Variants in TUBG2 observed in about 807,000 individuals in gnomAD.
TUBG2 encodes the protein tubulin gamma-2 chain.
A neutral mutation model predicts 55.1 loss-of-function variants in TUBG2; 39 were observed. The ratio of observed to expected loss-of-function variants is 0.71; its 90% CI spans 0.55 to 0.93. TUBG2 has a LOEUF of 0.93. Among genes scored for constraint, TUBG2 ranks in the 40% least tolerant of loss-of-function variants. TUBG2 has a pLI of 0.00. For synonymous variants in TUBG2, 223 were observed against 241.0 expected (o/e 0.93, Z 0.69); for missense variants, 358 against 599.1 (o/e 0.60, Z 4.20).
intron 6 of TUBG2, among the ~76,000 whole-genome samples, chr17:42,663,844 G>A (rs2052450023): frequency 6.6e-6 from 1 of 152,032 alleles, no homozygotes; most frequent in South Asian, 2.1e-4. Context: ...TCGGGAGGCT[G>A]AGGCAGGAGA....
intron 1 of TUBG2, 129 bp from the exon 2 acceptor site, chr17:42,659,705 G>C: frequency 2.2e-6 from 3 of 1,379,564 alleles, no homozygotes; most frequent in Non-Finnish European, 3.0e-6. Context: ...CCTCCAGCCC[G>C]GGGCTGGGGC....
At chr17:42,663,124 C>G (rs1330073905) in intron 5 of TUBG2, 72 bp downstream of exon 5, 14 of 1,519,508 alleles carry the variant, frequency 9.2e-6, no homozygotes, top group Middle Eastern at 3.8e-4. Context: ...TTCTCTTGAG[C>G]TAGAAAGTCT....
chr17:42,664,007 G>A (rs1476882929), intron 6 of TUBG2, among the ~76,000 whole-genome samples: 3 of 151,808 alleles, frequency 2.0e-5, no homozygotes, highest in African/African-American at 7.3e-5. Context: ...CTTGGAGGCT[G>A]AGGCAGGAGA....
rs994506597 is a variant in TUBG2, at chr17:42,666,998, G to T, written c.*198G>T. Reference sequence around the variant, plus strand: ...TCTAATAAAGTAATAAAGCTTGGTTGTCAGTATAGCCAGGGCTTGATCTGT... The same window carrying T: ...TCTAATAAAGTAATAAAGCTTGGTTTTCAGTATAGCCAGGGCTTGATCTGT... On this transcript the variant is annotated 3_prime_UTR_variant, in exon 11 of 11. Coordinates refer to ENST00000251412, the MANE Select transcript of TUBG2 (RefSeq NM_016437.3). The T allele has an allele frequency of 5.0e-6, 3 of 595,850 alleles. No homozygotes were observed. The highest frequency in any genetic ancestry group is 8.8e-6 in the Non-Finnish European group (3 of 342,268). 36.9% of individuals were successfully genotyped at this position (595,850 alleles called of 1,614,324 possible).
chr17:42,661,393 A>G (rs1157843789), intron 4 of TUBG2: 1 of 152,314 alleles, frequency 6.6e-6, no homozygotes, highest in African/African-American at 2.4e-5. Context: ...AAAGTCCCAG[A>G]TAGCCACTGG....
At position 42,659,367 on chromosome 17, in the gene TUBG2, C is replaced by A; in HGVS notation, c.-137C>A. 2 of 904,428 alleles carry A rather than the reference C, an allele frequency of 2.2e-6. No homozygotes were observed. The highest frequency in any genetic ancestry group is 1.6e-6 in the Non-Finnish European group (1 of 621,608). The allele number at this position is 904,428 out of a possible 1,614,324, so 56.0% of individuals were successfully genotyped here. A position where few individuals can be genotyped will look rare whatever the true frequency, so the allele number is the denominator to read the frequency against. On this transcript the variant is annotated 5_prime_UTR_variant, in exon 1 of 11. Coordinates refer to ENST00000251412, the MANE Select transcript of TUBG2 (RefSeq NM_016437.3). ...CGGCCGAGGAGAGGCCTGCGCTGCACACGCGCAGACCGAGCATCCGCGTCA... is the reference window on the plus strand; with the variant it reads ...CGGCCGAGGAGAGGCCTGCGCTGCAAACGCGCAGACCGAGCATCCGCGTCA...
intron 8 of TUBG2, 29 bp from the exon 9 acceptor site, chr17:42,666,058 G>C: frequency 6.2e-7 from 1 of 1,613,766 alleles, no homozygotes; most frequent in Non-Finnish European, 8.5e-7. Context: ...CTGAGCGCTG[G>C]CCGGGTCCCT....
At position 42,659,308 on chromosome 17, in the gene TUBG2, G is replaced by C. The variant is rs751764847; in HGVS notation, c.-196G>C. On this transcript the variant is annotated 5_prime_UTR_variant, in exon 1 of 11. Coordinates refer to ENST00000251412, the MANE Select transcript of TUBG2 (RefSeq NM_016437.3). ...AATTCCAGCTGCGACTGCTGAGGGA[G>C]AAAATGATGCCCAGGTTGGGCTCCC... 10 of 544,816 alleles carry C rather than the reference G, an allele frequency of 1.8e-5. No homozygotes were observed. Among genetic ancestry groups the C allele is most frequent in the Non-Finnish European group, 3.2e-5 (10 of 315,720 alleles). 33.7% of individuals were successfully genotyped at this position (544,816 alleles called of 1,614,324 possible). A position where few individuals can be genotyped will look rare whatever the true frequency, so the allele number is the denominator to read the frequency against.
Position 42,665,536 on chromosome 17 carries a change from C to T in TUBG2, c.667C>T (p.Pro223Ser). The T allele has an allele frequency of 6.2e-7, 1 of 1,614,128 alleles. No homozygotes were observed. Among genetic ancestry groups the T allele is most frequent in the Non-Finnish European group, 8.5e-7 (1 of 1,180,014 alleles). Residue 223 changes from proline (P) to serine (S), a missense_variant, in exon 7 of 11, where the codon CCG becomes TCG. Physicochemically the swap from Pro to Ser is moderately conservative, Grantham distance 74 (BLOSUM62 -1). Coordinates refer to ENST00000251412, the MANE Select transcript of TUBG2 (RefSeq NM_016437.3). ...CACAGACCGCCTGCACATCCAGAAC[C>T]CGTCCTTCTCCCAGATCAACCAGCT... The part of the protein sequence containing the change: ...IATDRLHIQN[P>S]SFSQINQLVS...
rs565559025 is a variant in TUBG2, at chr17:42,666,583, G to GA, written c.1159-19dup. Reference sequence around the variant, plus strand: ...TCCTAACCCCCTGGCTCGCATTTTGGAGATTTTCATCTCTTTCAGCTCTTT... The same window carrying GA: ...TCCTAACCCCCTGGCTCGCATTTTGGAAGATTTTCATCTCTTTCAGCTCTTT... On this transcript the variant is annotated intron_variant, in intron 10 of 10. Transcript: ENST00000251412. 585 of 1,614,172 alleles carry GA rather than the reference G, an allele frequency of 3.6e-4. 6 individuals are homozygous for GA. The Admixed American group carries it at 9.6e-3, about 27-fold the overall frequency.
intron 5 of TUBG2, 48 bp from the exon 6 acceptor site, chr17:42,663,329 T>TG (rs1567946990): frequency 1.1e-5 from 17 of 1,611,300 alleles, no homozygotes; most frequent in Non-Finnish European, 1.4e-5. Flanking sequence ...TGGGCAGTGA[T>TG]GGAGGGGTCC....
rs769612208 is a variant in TUBG2, at chr17:42,665,839, C to T, written c.843+12C>T. On this transcript the variant is annotated intron_variant, in intron 8 of 10. Coordinates refer to ENST00000251412, the MANE Select transcript of TUBG2 (RefSeq NM_016437.3). Reference sequence around the variant, plus strand: ...CTACAGACCAGTCAGTAAGAGCAGCCTTCAGTGTCCCAGGCCAGGCTGGCC... The same window carrying T: ...CTACAGACCAGTCAGTAAGAGCAGCTTTCAGTGTCCCAGGCCAGGCTGGCC... 5.6e-6 allele frequency: 9 copies of T among 1,614,122 alleles called. No homozygotes were observed. The Admixed American group carries it at 6.7e-5, about 12-fold the overall frequency.
Position 42,659,468 on chromosome 17 carries a change from C to T in TUBG2, c.-36C>T. On this transcript the variant is annotated 5_prime_UTR_variant, in exon 1 of 11. Transcript: ENST00000251412. ...GCATTCGTCTCAGCCGTGACTCTCG[C>T]CAGGCCGGGGCTGGCGCGCCCACGT... 1.9e-6 allele frequency: 3 copies of T among 1,542,074 alleles called. No individual in the cohort carries two copies. The highest frequency in any genetic ancestry group is 2.6e-6 in the Non-Finnish European group (3 of 1,143,350).
At chr17:42,660,382 C>T in intron 3 of TUBG2, 66 bp downstream of exon 3, 1 of 1,604,930 alleles carries the variant, frequency 6.2e-7, no homozygotes, top group Non-Finnish European at 8.5e-7. Context: ...GCTCAAGCTA[C>T]TAGGAATTTG....
rs1249518802 is a variant in TUBG2 at position 42,663,057 on chromosome 17, G to A, written c.479+5G>A. 1.2e-6 allele frequency: 2 copies of A among 1,613,762 alleles called. No homozygotes were observed. Among genetic ancestry groups the A allele is most frequent in the African/African-American group, 1.3e-5 (1 of 74,904 alleles). ...CCTGGAGCGACTGAATGACAGGCAA[G>A]CCTGTGTTTGGGGAGAGGGCATTAA... On this transcript the variant is annotated splice_donor_5th_base_variant and intron_variant, in intron 5 of 10. Coordinates refer to ENST00000251412, the MANE Select transcript of TUBG2 (RefSeq NM_016437.3).
At chr17:42,665,018 CTTTTA>C (rs1243344020) in intron 6 of TUBG2, among the ~76,000 whole-genome samples, 4 of 150,562 alleles carry the variant, frequency 2.7e-5, no homozygotes, top group African/African-American at 9.7e-5. Flanking sequence ...CCCAGCAGTA[CTTTTA>C]TTTTATTTTA....
chr17:42,666,195 A>G lies in TUBG2; in HGVS notation c.952A>G (p.Ile318Val), dbSNP rs895279719. ...GRDRQTNHCY[I>V]AILNIIQGEV... ...AGACCGCCAGACCAACCACTGCTACATCGCCATCCTCAACATCATCCAGGG... is the reference window on the plus strand; with the variant it reads ...AGACCGCCAGACCAACCACTGCTACGTCGCCATCCTCAACATCATCCAGGG... The change falls in exon 9 of 11, where the codon ATC (isoleucine) becomes GTC (valine). Residue 318 changes from isoleucine (I) to valine (V), a missense_variant. Ile to Val is a conservative substitution (Grantham distance 29). Coordinates refer to ENST00000251412, the MANE Select transcript of TUBG2 (RefSeq NM_016437.3). 1.2e-6 allele frequency: 2 copies of G among 1,613,922 alleles called. No homozygotes were observed. The highest frequency in any genetic ancestry group is 1.7e-6 in the Non-Finnish European group (2 of 1,179,852).
chr17:42,666,562 A>G (rs747424608), intron 10 of TUBG2, 41 bp from the exon 11 acceptor site: 10 of 1,613,802 alleles, frequency 6.2e-6, no homozygotes, highest in Non-Finnish European at 8.5e-6. Context: ...GTTCACTCCT[A>G]ACCCCCTGGC....
intron 5 of TUBG2, 56 bp downstream of exon 5, chr17:42,663,108 G>A (rs2052428444): frequency 6.4e-7 from 1 of 1,568,380 alleles, no homozygotes; most frequent in African/African-American, 1.4e-5. Context: ...TAATGTCATT[G>A]CTTTTTTCTC....
Sources: allele counts gnomAD v4.1 joint callset (sites outside exome capture counted in the v4.1 genomes callset), GRCh38; gene constraint gnomAD v4.1.1; transcripts MANE v1.5; gene names NCBI Gene and HGNC (gene_info 2026-07-23, HGNC 2026-07-21).